Variants in HSPA12A observed in about 807,000 individuals in gnomAD.
The protein encoded by HSPA12A is heat shock 70 kDa protein 12A.
In HSPA12A, 28 loss-of-function variants were observed where a neutral mutation model predicts 69.2. That is an observed-to-expected ratio of 0.40 (90% CI 0.30 to 0.55). The LOEUF (loss-of-function observed/expected upper bound fraction) is 0.55. Ranked by LOEUF, HSPA12A falls within the 20% of genes least tolerant of loss-of-function variation. The pLI is 0.38. For missense variants in HSPA12A, 686 were observed against 900.7 expected (o/e 0.76, Z 3.05); for synonymous variants, 345 against 370.5 (o/e 0.93, Z 0.79).
intron 8 of HSPA12A, 90 bp from the exon 9 acceptor site, chr10:116,681,346 A>G (rs1278832144): frequency 1.1e-5 from 11 of 992,466 alleles, no homozygotes; most frequent in Non-Finnish European, 1.6e-5. Context: ...GACCCAGCTA[A>G]GTGCCCTCAA....
chr10:116,693,714 T>C (rs1271488087), intron 5 of HSPA12A, among the ~76,000 whole-genome samples: 1 of 152,224 alleles, frequency 6.6e-6, no homozygotes, highest in Non-Finnish European at 1.5e-5. Flanking sequence ...GCCCACCCTC[T>C]CTCTCTCTGA....
rs946911834 is a variant in HSPA12A at position 116,734,254 on chromosome 10, C to T, written c.40+8176G>A. ...TCACCAAGACAGGCAGTTTGAGACC[C>T]GCCTGGCCAACATGGTGAAACTCTG... On this transcript the variant is annotated intron_variant, in intron 1 of 11. Coordinates refer to ENST00000369209, the MANE Select transcript of HSPA12A (RefSeq NM_025015.3). 2.6e-5 allele frequency among the ~76,000 whole-genome samples: 4 copies of T among 151,766 alleles called. No individual in the cohort carries two copies. In the South Asian group the frequency reaches 6.3e-4, roughly 24 times the overall value.
chr10:116,720,840 G>A (rs1850754053), intron 1 of HSPA12A, among the ~76,000 whole-genome samples: 3 of 152,204 alleles, frequency 2.0e-5, no homozygotes, highest in African/African-American at 7.2e-5. Flanking sequence ...GAAGGCCAAT[G>A]CTAAAAGGGG....
Position 116,679,544 on chromosome 10 carries a change from C to T in HSPA12A, c.1245G>A (p.Lys415=), listed in dbSNP as rs948988598. The T allele has an allele frequency of 1.2e-6, 2 of 1,614,230 alleles. No homozygotes were observed. Among genetic ancestry groups the T allele is most frequent in the South Asian group, 2.2e-5 (2 of 91,088 alleles). The change falls in exon 10 of 12, where the codon AAG becomes AAA. Residue 415 remains lysine (K), a synonymous_variant. Coordinates refer to ENST00000369209, the MANE Select transcript of HSPA12A (RefSeq NM_025015.3). ...CGTGCTCCACACTGTGCCCGCGGAA[C>T]TTCTTGTAGTAGTCAATGAAGGAGA... ...LPFSFIDYYK[K]FRGHSVEHAL... is the part of the protein sequence containing the mutation.
chr10:116,750,838 TG>T (rs1255893634), intron 2 of HSPA12A: 1 of 164,234 alleles, frequency 6.1e-6, no homozygotes, highest in African/African-American at 2.4e-5. Flanking sequence ...CTAAGCATGG[TG>T]GTGTGTGCCT....
intron 7 of HSPA12A, 97 bp from the exon 8 acceptor site, chr10:116,681,974 G>A (rs1849417706): frequency 9.2e-7 from 1 of 1,083,394 alleles, no homozygotes; most frequent in African/African-American, 1.5e-5. Context: ...AGGAGATTTA[G>A]GGATGGAACA....
intron 2 of HSPA12A, among the ~76,000 whole-genome samples, chr10:116,794,991 G>C (rs1844786367): frequency 1.3e-5 from 2 of 152,112 alleles, no homozygotes; most frequent in African/African-American, 4.8e-5. Context: ...TTGAGCAGCA[G>C]AGACAAACTT....
At position 116,674,816 on chromosome 10, in the gene HSPA12A, T is replaced by C; in HGVS notation, c.1993A>G (p.Ser665Gly). ...ATAIDIATSK[S>G]VKVGIDFLNY Reference sequence around the variant, plus strand: ...AAGAAGTCGATCCCAACTTTGACACTCTTCGAAGTGGCTATATCAATGGCT... The same window carrying C: ...AAGAAGTCGATCCCAACTTTGACACCCTTCGAAGTGGCTATATCAATGGCT... The change falls in exon 12 of 12, where the codon AGT (serine) becomes GGT (glycine). Residue 665 changes from serine (S) to glycine (G), a missense_variant. By Grantham distance (56) the Ser-to-Gly change is moderately conservative. Coordinates refer to ENST00000369209, the MANE Select transcript of HSPA12A (RefSeq NM_025015.3). 6.2e-7 allele frequency: 1 copy of C among 1,611,014 alleles called. No individual in the cohort carries two copies. The highest frequency in any genetic ancestry group is 8.5e-7 in the Non-Finnish European group (1 of 1,178,542).
chr10:116,836,772 C>T (rs7072533), intron 1 of HSPA12A, among the ~76,000 whole-genome samples: 5 of 88,550 alleles, frequency 5.6e-5, no homozygotes, highest in African/African-American at 2.3e-4. Context: ...GAACCGAACA[C>T]ACACACACAC....
At chr10:116,786,572 G>T (rs1166228263) in intron 2 of HSPA12A, among the ~76,000 whole-genome samples, 2 of 152,124 alleles carry the variant, frequency 1.3e-5, no homozygotes, top group Non-Finnish European at 2.9e-5. Flanking sequence ...CATTTAAATG[G>T]TATATTTTTC....
At chr10:116,722,787 A>G (rs965858247) in intron 1 of HSPA12A, among the ~76,000 whole-genome samples, 15 of 152,206 alleles carry the variant, frequency 9.9e-5, no homozygotes, top group African/African-American at 4.8e-5. Context: ...AAAACACTGT[A>G]ATTAAAAGCC....
chr10:116,829,672 T>A (rs1484478739), intron 2 of HSPA12A: 1 of 152,148 alleles, frequency 6.6e-6, no homozygotes, highest in Non-Finnish European at 1.5e-5. Flanking sequence ...AAAACAGAGA[T>A]TTTGTGTTCA....
At chr10:116,796,163 A>AAAAAAAAAAAG (rs1414051045) in intron 2 of HSPA12A, among the ~76,000 whole-genome samples, 2 of 138,936 alleles carry the variant, frequency 1.4e-5, no homozygotes, top group African/African-American at 6.3e-5. Context: ...AAAAAAAAAA[A>AAAAAAAAAAAG]AAAGAAAGAA....
At chr10:116,718,849 C>T (rs1321594306) in intron 1 of HSPA12A, among the ~76,000 whole-genome samples, 1 of 151,720 alleles carries the variant, frequency 6.6e-6, no homozygotes, top group Non-Finnish European at 1.5e-5. Flanking sequence ...CAAGCAGAGG[C>T]CAGGCAACCA....
At chr10:116,683,731 G>A in intron 7 of HSPA12A, 60 bp downstream of exon 7, 1 of 1,415,060 alleles carries the variant, frequency 7.1e-7, no homozygotes, top group Non-Finnish European at 9.5e-7. Flanking sequence ...CAGAGGGAGA[G>A]AGACATCCAG....
At chr10:116,681,942 A>C (rs1252679633) in intron 7 of HSPA12A, 65 bp from the exon 8 acceptor site, 4 of 1,452,670 alleles carry the variant, frequency 2.8e-6, no homozygotes, top group Non-Finnish European at 3.9e-6. Context: ...GATCATTTGC[A>C]GTCAGTGAAG....
chr10:116,681,978 T>G (rs906315643), intron 7 of HSPA12A, 101 bp from the exon 8 acceptor site: 20 of 1,048,906 alleles, frequency 1.9e-5, no homozygotes, highest in Non-Finnish European at 2.5e-5. Context: ...GATTTAGGGA[T>G]GGAACATTAG....
chr10:116,825,964 G>C (rs530145462), intron 2 of HSPA12A, among the ~76,000 whole-genome samples: 3 of 152,302 alleles, frequency 2.0e-5, no homozygotes, highest in Admixed American at 2.0e-4. Context: ...AGCTGAAGAA[G>C]GCAGGAATAC....
chr10:116,730,283 AC>A (rs1324227880), intron 1 of HSPA12A, among the ~76,000 whole-genome samples: 1 of 152,122 alleles, frequency 6.6e-6, no homozygotes, highest in East Asian at 1.9e-4. Flanking sequence ...CTCAGAACCA[AC>A]CCGTGAAGTG....
Sources: allele counts gnomAD v4.1 joint callset (sites outside exome capture counted in the v4.1 genomes callset), GRCh38; gene constraint gnomAD v4.1.1; transcripts MANE v1.5; gene names NCBI Gene and HGNC (gene_info 2026-07-23, HGNC 2026-07-21).